Variants in CACNB2 observed in about 807,000 individuals in gnomAD.
CACNB2 encodes voltage-dependent L-type calcium channel subunit beta-2.
In CACNB2, 42 loss-of-function variants were observed where a neutral mutation model predicts 73.3. That is an observed-to-expected ratio of 0.57 (90% confidence interval 0.45 to 0.74). CACNB2 has a LOEUF of 0.74. CACNB2 is among the 30% of genes least tolerant of loss of function. The pLI, the probability that CACNB2 is intolerant of heterozygous loss-of-function variation, is 0.00. For synonymous variants in CACNB2, 348 were observed against 310.3 expected (o/e 1.12, Z -1.28); for missense variants, 940 against 853.0 (o/e 1.10, Z -1.27).
At chr10:18,179,767 C>A (rs2033783333) in intron 2 of CACNB2, among the ~76,000 whole-genome samples, 1 of 152,108 alleles carries the variant, frequency 6.6e-6, no homozygotes, top group South Asian at 2.1e-4. Context: ...CTGCTTTAAA[C>A]AGAAAGAATA....
intron 2 of CACNB2, among the ~76,000 whole-genome samples, chr10:18,242,473 G>A (rs999403473): frequency 3.9e-5 from 6 of 152,116 alleles, no homozygotes; most frequent in African/African-American, 1.4e-4. Flanking sequence ...TATTCACAAA[G>A]CAGCACATAC....
rs577722832 is a variant in CACNB2 at position 18,419,075 on chromosome 10, G to A, written c.333+17032G>A. Among the ~76,000 whole-genome samples the A allele has an allele frequency of 2.6e-5, 4 of 152,304 alleles. No homozygotes were observed. In the South Asian group the frequency reaches 8.3e-4, roughly 32 times the overall value. On this transcript the variant is annotated intron_variant, in intron 3 of 13. Transcript: ENST00000324631. ...GGCAACTCAGTGACACTCATCCCCAGGCAGAATTAAAGGAGATCTTTGGCT... is the reference window on the plus strand; with the variant it reads ...GGCAACTCAGTGACACTCATCCCCAAGCAGAATTAAAGGAGATCTTTGGCT...
chr10:18,413,944 A>G (rs2044782787), intron 3 of CACNB2, among the ~76,000 whole-genome samples: 2 of 152,236 alleles, frequency 1.3e-5, no homozygotes, highest in Non-Finnish European at 2.9e-5. Context: ...AGGAATCTGA[A>G]TGGAAAGTAA....
chr10:18,164,731 T>C (rs558498643), intron 2 of CACNB2, among the ~76,000 whole-genome samples: 1 of 152,174 alleles, frequency 6.6e-6, no homozygotes, highest in Non-Finnish European at 1.5e-5. Flanking sequence ...TTAGTCTTTT[T>C]TACTCAAAGC....
At chr10:18,529,855 C>T (rs2052823755) in intron 10 of CACNB2, among the ~76,000 whole-genome samples, 1 of 152,132 alleles carries the variant, frequency 6.6e-6, no homozygotes, top group Admixed American at 6.6e-5. Context: ...ATTTGACGCT[C>T]ACAAGAATTA....
At chr10:18,147,555 C>G (rs181152113) in intron 1 of CACNB2, among the ~76,000 whole-genome samples, 1 of 152,138 alleles carries the variant, frequency 6.6e-6, no homozygotes, top group Admixed American at 6.5e-5. Context: ...AATCCCCTTT[C>G]CTGTCTCCCC....
intron 9 of CACNB2, chr10:18,519,842 T>A: frequency 2.4e-6 from 1 of 420,936 alleles, no homozygotes; most frequent in Non-Finnish European, 4.7e-6. Flanking sequence ...GACCTTCACA[T>A]TGCTAAATCC....
intron 2 of CACNB2, among the ~76,000 whole-genome samples, chr10:18,152,859 G>T (rs1223294519): frequency 6.6e-6 from 1 of 151,784 alleles, no homozygotes; most frequent in Non-Finnish European, 1.5e-5. Flanking sequence ...AAGACATAAT[G>T]AATAGAAACG....
Position 18,157,814 on chromosome 10 carries a change from C to T in CACNB2, c.213+6839C>T, listed in dbSNP as rs139214673. On this transcript the variant is annotated intron_variant, in intron 2 of 13. Coordinates refer to ENST00000324631, the MANE Select transcript of CACNB2 (RefSeq NM_201596.3). ...AGGAAGACATGCAGAAAAATTCCTA[C>T]GACAAATACATAGAAAGATAAAAGT... Among the ~76,000 whole-genome samples, 13 of 152,260 alleles carry T rather than the reference C, an allele frequency of 8.5e-5. No individual in the cohort carries two copies. The East Asian group carries it at 1.5e-3, about 18-fold the overall frequency.
intron 2 of CACNB2, among the ~76,000 whole-genome samples, chr10:18,283,119 A>G (rs550923038): frequency 6.6e-6 from 1 of 152,338 alleles, no homozygotes; most frequent in South Asian, 2.1e-4. Flanking sequence ...AACCACAATG[A>G]GATACTATCT....
intron 2 of CACNB2, among the ~76,000 whole-genome samples, chr10:18,163,038 A>G (rs2032583608): frequency 6.6e-6 from 1 of 152,292 alleles, no homozygotes; most frequent in Non-Finnish European, 1.5e-5. Flanking sequence ...AGGACCTCCA[A>G]GACAGGATAT....
At chr10:18,231,943 C>T (rs1455272010) in intron 2 of CACNB2, among the ~76,000 whole-genome samples, 2 of 152,182 alleles carry the variant, frequency 1.3e-5, no homozygotes, top group Non-Finnish European at 2.9e-5. Context: ...TGTATAAATA[C>T]ATATTTGGAA....
intron 2 of CACNB2, among the ~76,000 whole-genome samples, chr10:18,301,573 T>C (rs1253940614): frequency 1.3e-5 from 2 of 151,628 alleles, no homozygotes; most frequent in Non-Finnish European, 2.9e-5. Context: ...CCAGCCTGGG[T>C]AACAGAGCGA....
intron 2 of CACNB2, among the ~76,000 whole-genome samples, chr10:18,164,482 T>G (rs1226696464): frequency 1.3e-5 from 2 of 152,174 alleles, no homozygotes; most frequent in Non-Finnish European, 2.9e-5. Flanking sequence ...GGTTAGTGTG[T>G]GTTAGACAAT....
intron 2 of CACNB2, among the ~76,000 whole-genome samples, chr10:18,288,901 C>T (rs897237652): frequency 2.0e-5 from 3 of 151,990 alleles, no homozygotes; most frequent in East Asian, 1.9e-4. Flanking sequence ...AAAAATCAGC[C>T]GGGCATGGCA....
At chr10:18,475,223 T>G (rs2048381200) in intron 3 of CACNB2, among the ~76,000 whole-genome samples, 1 of 151,580 alleles carries the variant, frequency 6.6e-6, no homozygotes, top group Non-Finnish European at 1.5e-5. Context: ...TCCTTTTGGG[T>G]TTTTATGGAA....
At chr10:18,366,147 G>C (rs1337884066) in intron 2 of CACNB2, among the ~76,000 whole-genome samples, 3 of 152,154 alleles carry the variant, frequency 2.0e-5, no homozygotes, top group Admixed American at 2.0e-4. Context: ...ATCTAGGTCT[G>C]GGTCATGTAA....
intron 2 of CACNB2, among the ~76,000 whole-genome samples, chr10:18,296,627 C>T (rs966948395): frequency 2.0e-4 from 30 of 151,956 alleles, no homozygotes; most frequent in East Asian, 1.9e-4. Context: ...CTGCCACTAC[C>T]GATTATATTT....
chr10:18,242,811 C>T (rs1413112824), intron 2 of CACNB2, among the ~76,000 whole-genome samples: 11 of 144,210 alleles, frequency 7.6e-5, no homozygotes, highest in Non-Finnish European at 1.4e-4. Flanking sequence ...AGTGAAACCC[C>T]GTCTCTACTA....
Sources: allele counts gnomAD v4.1 joint callset (sites outside exome capture counted in the v4.1 genomes callset), GRCh38; gene constraint gnomAD v4.1.1; transcripts MANE v1.5; gene names NCBI Gene and HGNC (gene_info 2026-07-23, HGNC 2026-07-21).